ADGRF5: variants seen among roughly 807,000 people sequenced by gnomAD.
The protein encoded by ADGRF5 is G-protein coupled receptor 116.
ADGRF5 carries 75 observed loss-of-function variants against 132.3 expected under a neutral mutation model. The observed-to-expected ratio is 0.57, with a 90% CI of 0.47 to 0.69. The LOEUF is 0.69. Among genes scored for constraint, ADGRF5 ranks in the 30% least tolerant of loss-of-function variants. ADGRF5 has a pLI of 0.00. For missense variants in ADGRF5, 1,516 were observed against 1,630.6 expected (o/e 0.93, Z 1.21); for synonymous variants, 629 against 597.6 (o/e 1.05, Z -0.77).
intron 3 of ADGRF5, among the ~76,000 whole-genome samples, chr6:46,894,149 C>T (rs1773940473): frequency 6.6e-6 from 1 of 152,198 alleles, no homozygotes; most frequent in South Asian, 2.1e-4. Flanking sequence ...GTTTGGCTCT[C>T]CTGTTTCTCC....
intron 1 of ADGRF5, among the ~76,000 whole-genome samples, chr6:46,920,530 G>GT (rs1562241506): frequency 1.5e-5 from 2 of 136,220 alleles, no homozygotes; most frequent in African/African-American, 5.4e-5. Flanking sequence ...AATATTTGGG[G>GT]GGGGGGAAGA....
chr6:46,859,321 C>T lies in ADGRF5; in HGVS notation c.2582G>A (p.Ser861Asn), dbSNP rs774186043. 1.9e-6 allele frequency: 3 copies of T among 1,613,840 alleles called. No individual in the cohort carries two copies. The East Asian group carries it at 6.7e-5, about 36-fold the overall frequency. Residue 861 changes from serine to asparagine, a missense_variant, in exon 17 of 21, where the codon AGC becomes AAC. Ser to Asn is a conservative substitution (Grantham distance 46). Coordinates refer to ENST00000283296, the MANE Select transcript of ADGRF5 (RefSeq NM_001098518.2). ...CCTCTGTTGATAGGTTTCTGGGTGGCTGGACTTGATTACCATGCTGCTCAT... is the reference window on the plus strand; with the variant it reads ...CCTCTGTTGATAGGTTTCTGGGTGGTTGGACTTGATTACCATGCTGCTCAT... ...VQMSSMVIKSSHPETYQQRFV... is the reference protein window; with the variant it reads ...VQMSSMVIKSNHPETYQQRFV...
chr6:46,896,366 T>C (rs1381095891), intron 3 of ADGRF5, among the ~76,000 whole-genome samples: 1 of 152,098 alleles, frequency 6.6e-6, no homozygotes, highest in African/African-American at 2.4e-5. Context: ...GCAGGCTTCT[T>C]TTTCCTGAGA....
intron 1 of ADGRF5, among the ~76,000 whole-genome samples, chr6:46,946,085 G>A (rs1296924775): frequency 6.6e-6 from 1 of 152,216 alleles, no homozygotes; most frequent in Non-Finnish European, 1.5e-5. Context: ...AGGCAGGAAA[G>A]AGAAATCCAG....
chr6:46,904,645 T>C (rs1775131448), intron 2 of ADGRF5, among the ~76,000 whole-genome samples: 1 of 152,166 alleles, frequency 6.6e-6, no homozygotes, highest in South Asian at 2.1e-4. Context: ...TGAATATACT[T>C]AATACTAATA....
chr6:46,901,027 G>A (rs1266987751), intron 2 of ADGRF5, among the ~76,000 whole-genome samples: 4 of 152,136 alleles, frequency 2.6e-5, no homozygotes, highest in South Asian at 2.1e-4. Context: ...ATTAATAAAT[G>A]TAAGGCCGTG....
intron 2 of ADGRF5, among the ~76,000 whole-genome samples, chr6:46,900,533 C>A (rs1253852312): frequency 6.6e-6 from 1 of 152,034 alleles, no homozygotes; most frequent in Non-Finnish European, 1.5e-5. Context: ...GGCTCTTTAA[C>A]CATTGTGTGT....
At chr6:46,939,258 T>A (rs1157191139) in intron 1 of ADGRF5, among the ~76,000 whole-genome samples, 1 of 152,144 alleles carries the variant, frequency 6.6e-6, no homozygotes, top group Non-Finnish European at 1.5e-5. Context: ...GGCAGGAATC[T>A]TGCTTTAACA....
chr6:46,928,716 C>T (rs1351221893), intron 1 of ADGRF5, among the ~76,000 whole-genome samples: 6 of 152,164 alleles, frequency 3.9e-5, no homozygotes, highest in African/African-American at 2.4e-5. Context: ...TTTCTAAAGA[C>T]GGTTTCTTCC....
At chr6:46,936,050 C>G (rs1180992142) in intron 1 of ADGRF5, among the ~76,000 whole-genome samples, 1 of 152,224 alleles carries the variant, frequency 6.6e-6, no homozygotes, top group Non-Finnish European at 1.5e-5. Flanking sequence ...GAAAACTTGC[C>G]TTGCATCGGA....
At chr6:46,898,166 G>C (rs1456808746) in intron 3 of ADGRF5, among the ~76,000 whole-genome samples, 1 of 152,164 alleles carries the variant, frequency 6.6e-6, no homozygotes, top group African/African-American at 2.4e-5. Context: ...ACCCCCTCAC[G>C]TTGTCACCAC....
upstream of ADGRF5, among the ~76,000 whole-genome samples, chr6:46,923,991 A>G (rs1179098589): frequency 1.3e-5 from 2 of 152,136 alleles, no homozygotes; most frequent in African/African-American, 4.8e-5. Context: ...TCATGTTATC[A>G]CTTTGTTAAT....
At chr6:46,899,951 T>C in intron 3 of ADGRF5, 78 bp downstream of exon 3, 1 of 980,404 alleles carries the variant, frequency 1.0e-6, no homozygotes, top group South Asian at 1.3e-5. Flanking sequence ...TTATGTAGAC[T>C]ACAATGTTTT....
At chr6:46,953,349 C>G (rs1323073613) in intron 1 of ADGRF5, among the ~76,000 whole-genome samples, 1 of 152,044 alleles carries the variant, frequency 6.6e-6, no homozygotes, top group Non-Finnish European at 1.5e-5. Context: ...AGGTCGGGCA[C>G]CATGGCTCCC....
intron 1 of ADGRF5, among the ~76,000 whole-genome samples, chr6:46,914,055 G>A (rs1317245651): frequency 6.6e-6 from 1 of 152,296 alleles, no homozygotes; most frequent in African/African-American, 2.4e-5. Context: ...CCTGAAAATA[G>A]ATGAGCACAT....
chr6:46,900,211 G>A lies in ADGRF5; in HGVS notation c.103-128C>T, dbSNP rs1474668677. 8.4e-6 allele frequency: 6 copies of A among 712,148 alleles called. No homozygotes were observed. In the African/African-American group the frequency reaches 1.1e-4, roughly 13 times the overall value. 44.1% of individuals were successfully genotyped at this position (712,148 alleles called of 1,614,324 possible). A position where few individuals can be genotyped will look rare whatever the true frequency, so the allele number is the denominator to read the frequency against. On this transcript the variant is annotated intron_variant, in intron 2 of 20. Transcript: ENST00000283296. ...TGCAGACTTTGGGTTAGCACCATGT[G>A]TCCCGTGGATGCTGGGCACATAGCA... is the stretch of plus-strand genomic sequence containing the variant.
chr6:46,905,257 A>G (rs1234122), intron 2 of ADGRF5: 55,138 of 152,058 alleles, frequency 0.36, 12,264 homozygotes, highest in Non-Finnish European at 0.48. Context: ...CTATTTAAAT[A>G]GGAAGGCTAT....
intron 1 of ADGRF5, among the ~76,000 whole-genome samples, chr6:46,940,073 G>GA (rs1777992215): frequency 6.6e-6 from 1 of 151,930 alleles, no homozygotes; most frequent in South Asian, 2.1e-4. Flanking sequence ...AACACCGATT[G>GA]AAAAATATGG....
upstream of ADGRF5, among the ~76,000 whole-genome samples, chr6:46,926,751 C>G (rs1341961111): frequency 1.3e-5 from 2 of 152,160 alleles, no homozygotes; most frequent in Non-Finnish European, 2.9e-5. Flanking sequence ...GTCATTGACT[C>G]TTCCTCCCTC....
Sources: gnomAD v4.1 joint callset for allele counts (sites outside exome capture counted in the v4.1 genomes callset) on GRCh38, gnomAD v4.1.1 for gene constraint, MANE v1.5 for transcripts, NCBI Gene and HGNC (gene_info 2026-07-23, HGNC 2026-07-21) for gene names.